The following DNAH5 variants were observed in gnomAD, a reference collection of about 807,000 sequenced individuals.
DNAH5 encodes dynein axonemal heavy chain 5.
A neutral mutation model predicts 518.2 loss-of-function variants in DNAH5; 372 were observed. That is an observed-to-expected ratio of 0.72 (90% confidence interval 0.66 to 0.78). The LOEUF is 0.78. Ranked by LOEUF, DNAH5 falls within the 30% of genes least tolerant of loss-of-function variation. The probability of loss-of-function intolerance (pLI) is 0.00; values close to 1 mark genes in which losing one functional copy is unlikely to be tolerated. For synonymous variants in DNAH5, 2,039 were observed against 2,025.9 expected, an observed-to-expected ratio of 1.01 and a Z score of -0.17; for missense variants, 5,523 against 5,687.0, an observed-to-expected ratio of 0.97 and a Z score of 0.93.
At chr5:13,843,028 T>C (rs1224662276) in intron 32 of DNAH5, among the ~76,000 whole-genome samples, 1 of 152,218 alleles carries the variant, frequency 6.6e-6, no homozygotes, top group Non-Finnish European at 1.5e-5. Flanking sequence ...CCTAGTGCCA[T>C]GGCAGAGGAT....
intron 78 of DNAH5, among the ~76,000 whole-genome samples, chr5:13,694,713 G>A (rs1741135640): frequency 6.6e-6 from 1 of 152,116 alleles, no homozygotes; most frequent in Non-Finnish European, 1.5e-5. Flanking sequence ...TACATAGAGA[G>A]TCTCTATAGA....
chr5:13,919,358 A>T lies in DNAH5; in HGVS notation c.799-6T>A, dbSNP rs1777006199. 6.2e-7 allele frequency: 1 copy of T among 1,613,426 alleles called. No homozygotes were observed. The highest frequency in any genetic ancestry group is 8.5e-7 in the Non-Finnish European group (1 of 1,179,770). On this transcript the variant is annotated splice_region_variant and splice_polypyrimidine_tract_variant and intron_variant, in intron 6 of 78. Coordinates refer to ENST00000265104, the MANE Select transcript of DNAH5 (RefSeq NM_001369.3). ...TGATTGTTTTCAGCAAGAACCTGCAAATGCGCGGGGAAAAACACGAGCCAT... is the reference window on the plus strand; with the variant it reads ...TGATTGTTTTCAGCAAGAACCTGCATATGCGCGGGGAAAAACACGAGCCAT...
At chr5:13,699,963 GA>G in intron 78 of DNAH5, among the ~76,000 whole-genome samples, 1 of 152,292 alleles carries the variant, frequency 6.6e-6, no homozygotes, top group South Asian at 2.1e-4. Flanking sequence ...TCCAATAACG[GA>G]AAATAGTTTA....
chr5:13,976,710 T>TATATATATATATATATATAC (rs780402172), intron 1 of DNAH5, among the ~76,000 whole-genome samples: 3 of 133,104 alleles, frequency 2.3e-5, no homozygotes, highest in East Asian at 4.7e-4. Context: ...TATATATATA[T>TATATATATATATATATATAC]ACACACACAC....
intron 38 of DNAH5, among the ~76,000 whole-genome samples, chr5:13,825,314 C>T (rs1020914847): frequency 6.6e-6 from 1 of 151,128 alleles, no homozygotes. Context: ...TGCACTCCAG[C>T]CTGGGCAACA....
chr5:13,881,218 C>A (rs571611006), intron 21 of DNAH5, among the ~76,000 whole-genome samples: 1 of 151,966 alleles, frequency 6.6e-6, no homozygotes, highest in South Asian at 2.1e-4. Flanking sequence ...TTTTAGTACC[C>A]TACTTTCATC....
intron 15 of DNAH5, among the ~76,000 whole-genome samples, chr5:13,897,018 T>C (rs532145800): frequency 6.6e-6 from 1 of 152,326 alleles, no homozygotes; most frequent in East Asian, 1.9e-4. Flanking sequence ...ATTTTGAAAA[T>C]GCTGCATACA....
Position 13,864,436 on chromosome 5 carries a change from G to A in DNAH5, c.4557C>T (p.Ile1519=), listed in dbSNP as rs868639381. The change falls in exon 28 of 79, where the codon ATC becomes ATT. Residue 1519 remains isoleucine, a synonymous_variant. Transcript: ENST00000265104. ...VGNESFKLRN[I]MEAPLLKYKE... The stretch of plus-strand genomic sequence containing the variant: ...TATATTTCAGAAGAGGTGCCTCCAT[G>A]ATATTTCTTAACTTAAAGCTTTCAT... 6.2e-7 allele frequency: 1 copy of A among 1,614,078 alleles called. No individual in the cohort carries two copies. The highest frequency in any genetic ancestry group is 2.2e-5 in the East Asian group (1 of 44,880).
intron 1 of DNAH5, among the ~76,000 whole-genome samples, chr5:13,942,458 T>C (rs1187721169): frequency 2.0e-5 from 3 of 152,188 alleles, no homozygotes; most frequent in Admixed American, 2.0e-4. Context: ...TTGACAAACT[T>C]TCCTTGCTTG....
chr5:13,982,918 T>C (rs1349777245), intron 1 of DNAH5, among the ~76,000 whole-genome samples: 1 of 152,244 alleles, frequency 6.6e-6, no homozygotes, highest in African/African-American at 2.4e-5. Context: ...CATCTCTTGG[T>C]GAACTTAGAA....
intron 65 of DNAH5, among the ~76,000 whole-genome samples, chr5:13,749,164 C>A (rs1216326971): frequency 2.0e-5 from 3 of 152,040 alleles, no homozygotes; most frequent in Non-Finnish European, 4.4e-5. Context: ...CACAAGACCT[C>A]ATTTTGGGAA....
In DNAH5 at chr5:13,936,983, C is replaced by T. The variant is rs527328087; in HGVS notation, c.58-5739G>A. 5.3e-5 allele frequency among the ~76,000 whole-genome samples: 8 copies of T among 152,196 alleles called. No individual in the cohort carries two copies. In the South Asian group the frequency reaches 1.7e-3, roughly 32 times the overall value. The stretch of plus-strand genomic sequence containing the variant: ...CCCTGGTTGCATTGCCAGCTTGGTT[C>T]TGTTAGTCATCATTTGCTCACTATG... On this transcript the variant is annotated intron_variant, in intron 1 of 78. Coordinates refer to ENST00000265104, the MANE Select transcript of DNAH5 (RefSeq NM_001369.3).
At chr5:13,937,895 T>A (rs1479511752) in intron 1 of DNAH5, among the ~76,000 whole-genome samples, 3 of 152,188 alleles carry the variant, frequency 2.0e-5, no homozygotes, top group African/African-American at 7.2e-5. Flanking sequence ...AAAATCCCCA[T>A]CTGAGATCAT....
chr5:13,775,434 CAGAT>C (rs1022081403), intron 55 of DNAH5, among the ~76,000 whole-genome samples: 1 of 151,436 alleles, frequency 6.6e-6, no homozygotes, highest in African/African-American at 2.4e-5. Context: ...AGATAATAGA[CAGAT>C]AAAGATAGAT....
intron 22 of DNAH5, among the ~76,000 whole-genome samples, chr5:13,874,701 G>A (rs1770620907): frequency 6.6e-6 from 1 of 151,958 alleles, no homozygotes; most frequent in Admixed American, 6.6e-5. Context: ...TGTTTTTAGT[G>A]GAAACATAGT....
At chr5:13,875,657 T>C (rs1344447028) in intron 22 of DNAH5, among the ~76,000 whole-genome samples, 1 of 152,150 alleles carries the variant, frequency 6.6e-6, no homozygotes, top group Non-Finnish European at 1.5e-5. Context: ...TTTCTGAATG[T>C]TTATTGTTAT....
chr5:13,777,309 G>A lies in DNAH5; in HGVS notation c.8998C>T (p.Arg3000Ter), dbSNP rs769054713. 6.2e-6 allele frequency: 10 copies of A among 1,613,202 alleles called. No individual in the cohort carries two copies. The highest frequency in any genetic ancestry group is 2.2e-5 in the East Asian group (1 of 44,816). Residue 3000 changes from arginine (R) to a stop codon, truncating the protein, a stop_gained, in exon 54 of 79, where the codon CGA becomes TGA. Coordinates refer to ENST00000265104, the MANE Select transcript of DNAH5 (RefSeq NM_001369.3). LOFTEE classifies it high-confidence loss of function. ...CCTTTGCCTTGCTGACCAGCTGTTC[G>A]ATACAAAACCTTCAGATCTTCCATC... ...NLMEDLKVLYRTAGQQGKGIT... is the reference protein window; with the variant it reads ...NLMEDLKVLY
At chr5:13,858,253 T>C (rs1276103341) in intron 30 of DNAH5, among the ~76,000 whole-genome samples, 1 of 152,076 alleles carries the variant, frequency 6.6e-6, no homozygotes, top group Non-Finnish European at 1.5e-5. Context: ...AAAGGAGGAA[T>C]CCATGTCCTT....
At chr5:13,766,644 C>T (rs1214262456) in intron 58 of DNAH5, among the ~76,000 whole-genome samples, 2 of 152,222 alleles carry the variant, frequency 1.3e-5, no homozygotes. Context: ...AGGGTAGCCA[C>T]AGGGCTGACA....
Sources: gnomAD v4.1 joint callset for allele counts (sites outside exome capture counted in the v4.1 genomes callset) on GRCh38, gnomAD v4.1.1 for gene constraint, MANE v1.5 for transcripts, NCBI Gene and HGNC (gene_info 2026-07-23, HGNC 2026-07-21) for gene names.